The following DDX60L variants were observed in gnomAD, a reference collection of about 807,000 sequenced individuals.
The protein encoded by DDX60L is DExD/H-box 60 like.
A neutral mutation model predicts 211.6 loss-of-function variants in DDX60L; 191 were observed. That is an observed-to-expected ratio of 0.90 (90% CI 0.80 to 1.02). The LOEUF is 1.02. Among genes scored for constraint, DDX60L ranks in the 50% least tolerant of loss-of-function variants. DDX60L has a pLI of 0.00. For synonymous variants in DDX60L, 706 were observed against 694.1 expected (o/e 1.02, Z -0.27); for missense variants, 2,007 against 1,984.1 (o/e 1.01, Z -0.22).
At chr4:168,443,262 G>T (rs1438411319) in intron 9 of DDX60L, among the ~76,000 whole-genome samples, 1 of 152,162 alleles carries the variant, frequency 6.6e-6, no homozygotes, top group Non-Finnish European at 1.5e-5. Context: ...CGATCAACTG[G>T]AAGAAAGGGT....
chr4:168,394,405 T>A, intron 28 of DDX60L, 60 bp downstream of exon 28: 1 of 1,301,270 alleles, frequency 7.7e-7, no homozygotes, highest in Non-Finnish European at 1.0e-6. Context: ...TACCTTTTAG[T>A]GGTATTCAGC....
At chr4:168,470,339 G>A (rs941459360) in intron 4 of DDX60L, 3 of 152,202 alleles carry the variant, frequency 2.0e-5, no homozygotes, top group African/African-American at 7.2e-5. Context: ...ACTTGCATGT[G>A]AATGCACATA....
chr4:168,396,111 G>A lies in DDX60L; in HGVS notation c.3505C>T (p.Pro1169Ser). 2.0e-6 allele frequency: 3 copies of A among 1,493,578 alleles called. No individual in the cohort carries two copies. Among genetic ancestry groups the A allele is most frequent in the Non-Finnish European group, 2.7e-6 (3 of 1,115,276 alleles). The allele number at this position is 1,493,578 out of a possible 1,614,324, so 92.5% of individuals were successfully genotyped here. A position where few individuals can be genotyped will look rare whatever the true frequency, so the allele number is the denominator to read the frequency against. Residue 1169 changes from proline to serine, a missense_variant, in exon 27 of 38, where the codon CCA becomes TCA. Coordinates refer to ENST00000682922, the MANE Select transcript of DDX60L (RefSeq NM_001012967.3). ...KTQKRITKKN[P>S]KKAEKLERKK... ...CTTTCCAGTTTTTCAGCCTTCTTTGGGTTTTTTTTAGTGCTACTATTTAAA... is the reference window on the plus strand; with the variant it reads ...CTTTCCAGTTTTTCAGCCTTCTTTGAGTTTTTTTTAGTGCTACTATTTAAA...
intron 9 of DDX60L, among the ~76,000 whole-genome samples, chr4:168,447,189 AAAAC>A (rs1379475556): frequency 2.0e-5 from 3 of 150,944 alleles, no homozygotes; most frequent in East Asian, 2.0e-4. Context: ...TTACAAGAAA[AAAAC>A]AAACAACCCC....
At chr4:168,390,322 A>T (rs539132889) in intron 29 of DDX60L, 2 of 1,153,502 alleles carry the variant, frequency 1.7e-6, no homozygotes, top group Non-Finnish European at 2.1e-6. Flanking sequence ...AAAAAGAGAA[A>T]GACTGAAAAA....
At chr4:168,452,620 A>C (rs1755955047) in intron 8 of DDX60L, among the ~76,000 whole-genome samples, 1 of 152,204 alleles carries the variant, frequency 6.6e-6, no homozygotes, top group South Asian at 2.1e-4. Flanking sequence ...TTACAATAAA[A>C]TAATATGTAG....
At position 168,406,828 on chromosome 4, in the gene DDX60L, G is replaced by A; in HGVS notation, c.2980-122C>T. 5 of 690,678 alleles carry A rather than the reference G, an allele frequency of 7.2e-6. No homozygotes were observed. The Middle Eastern group carries it at 1.2e-3, about 173-fold the overall frequency. 42.8% of individuals were successfully genotyped at this position (690,678 alleles called of 1,614,324 possible). A position where few individuals can be genotyped will look rare whatever the true frequency, so the allele number is the denominator to read the frequency against. On this transcript the variant is annotated intron_variant, in intron 22 of 37. Coordinates refer to ENST00000682922, the MANE Select transcript of DDX60L (RefSeq NM_001012967.3). ...ACCTGTGAATCCAGGGACATTAAAA[G>A]GCAATCAACTGTAATATTTCACCTC...
chr4:168,375,441 G>C lies in DDX60L; in HGVS notation c.4569C>G (p.Phe1523Leu). Residue 1523 changes from phenylalanine to leucine, a missense_variant, in exon 34 of 38, where the codon TTC (phenylalanine) becomes TTG (leucine). Physicochemically the swap from Phe to Leu is conservative, Grantham distance 22 (BLOSUM62 0). Transcript: ENST00000682922. The part of the protein sequence containing the change: ...NLAVMKDFAS[F>L]LLIASKSVNM... ...TCACCGACTTGGAAGCAATCAGCAG[G>C]AAGGAGGCAAAATCCTTCATTACTG... The C allele has an allele frequency of 6.2e-7, 1 of 1,612,878 alleles. No homozygotes were observed. The highest frequency in any genetic ancestry group is 8.5e-7 in the Non-Finnish European group (1 of 1,179,438).
At chr4:168,390,188 T>A (rs1183867041) in intron 29 of DDX60L, 1 of 1,006,476 alleles carries the variant, frequency 9.9e-7, no homozygotes, top group East Asian at 9.5e-5. Flanking sequence ...CTCATTGTGG[T>A]CCATAGTAAA....
chr4:168,469,935 A>G (rs2150135866), intron 4 of DDX60L: 1 of 152,340 alleles, frequency 6.6e-6, no homozygotes, highest in Admixed American at 6.5e-5. Context: ...ATACATGACA[A>G]GAGGTTGTAT....
At chr4:168,466,550 T>G (rs1295092819) in intron 4 of DDX60L, among the ~76,000 whole-genome samples, 1 of 152,204 alleles carries the variant, frequency 6.6e-6, no homozygotes, top group Non-Finnish European at 1.5e-5. Flanking sequence ...ATGATATTTA[T>G]CATTCGAAAA....
Position 168,379,600 on chromosome 4 carries a change from T to C in DDX60L, c.4222-96A>G, listed in dbSNP as rs79153777. On this transcript the variant is annotated intron_variant, in intron 31 of 37. Coordinates refer to ENST00000682922, the MANE Select transcript of DDX60L (RefSeq NM_001012967.3). Reference sequence around the variant, plus strand: ...GACTGACAAATATTACCTGACTTCATTTATTAATAAATGATAAGTAACATT... The same window carrying C: ...GACTGACAAATATTACCTGACTTCACTTATTAATAAATGATAAGTAACATT... 995 of 1,181,942 alleles carry C rather than the reference T, an allele frequency of 8.4e-4. No individual in the cohort carries two copies. In the African/African-American group the frequency reaches 0.014, roughly 16 times the overall value. The allele number at this position is 1,181,942 out of a possible 1,614,324, so 73.2% of individuals were successfully genotyped here.
chr4:168,359,631 C>T (rs1305211442), intron 37 of DDX60L, among the ~76,000 whole-genome samples: 1 of 152,196 alleles, frequency 6.6e-6, no homozygotes, highest in African/African-American at 2.4e-5. Context: ...TATACCCTGC[C>T]AGAATAATAT....
At chr4:168,457,289 CACAT>C (rs1489519519) in intron 6 of DDX60L, among the ~76,000 whole-genome samples, 3 of 145,810 alleles carry the variant, frequency 2.1e-5, no homozygotes, top group Admixed American at 1.4e-4. Flanking sequence ...CACACACACA[CACAT>C]ACACACACAC....
chr4:168,425,895 C>T (rs577315877), intron 14 of DDX60L, among the ~76,000 whole-genome samples: 21 of 152,268 alleles, frequency 1.4e-4, no homozygotes, highest in African/African-American at 4.1e-4. Flanking sequence ...CATATGAAGA[C>T]GTAATACCTG....
intron 36 of DDX60L, among the ~76,000 whole-genome samples, chr4:168,365,671 T>A (rs1739854932): frequency 6.6e-6 from 1 of 152,208 alleles, no homozygotes; most frequent in South Asian, 2.1e-4. Flanking sequence ...AAATTTTTTT[T>A]ACAAGACCAA....
intron 22 of DDX60L, among the ~76,000 whole-genome samples, chr4:168,410,854 A>G (rs540890578): frequency 6.6e-6 from 1 of 152,336 alleles, no homozygotes; most frequent in South Asian, 2.1e-4. Context: ...GACATGAATG[A>G]GGACTGCCAA....
intron 8 of DDX60L, among the ~76,000 whole-genome samples, chr4:168,449,666 G>GAAAAAAAAAAA (rs1755484258): frequency 1.5e-4 from 3 of 19,822 alleles, no homozygotes; most frequent in Admixed American, 7.2e-4. Flanking sequence ...AAAAAAAAAA[G>GAAAAAAAAAAA]AAAAAAGAAA....
Position 168,419,312 on chromosome 4 carries a change from A to G in DDX60L, c.2600T>C (p.Ile867Thr), listed in dbSNP as rs1408533126. 2.5e-6 allele frequency: 4 copies of G among 1,593,644 alleles called. No individual in the cohort carries two copies. The highest frequency in any genetic ancestry group is 1.1e-5 in the South Asian group (1 of 87,834). Residue 867 changes from isoleucine (I) to threonine (T), a missense_variant, in exon 19 of 38, where the codon ATA becomes ACA. By Grantham distance (89) the Ile-to-Thr change is moderately conservative. Transcript: ENST00000682922. Reference protein sequence around the residue: ...QKWVERIRYVIFDEVHYLGRE... With the variant: ...QKWVERIRYVTFDEVHYLGRE... ...TAACACCAAACCTACCTCATCAAAT[A>G]TAACATATCTGATCCTTTCCACCCA...
Sources: allele counts gnomAD v4.1 joint callset (sites outside exome capture counted in the v4.1 genomes callset), GRCh38; gene constraint gnomAD v4.1.1; transcripts MANE v1.5; gene names NCBI Gene and HGNC (gene_info 2026-07-23, HGNC 2026-07-21).